The following ZNF605 variants were observed in gnomAD, a reference collection of about 807,000 sequenced individuals.
ZNF605 encodes the protein zinc finger protein 605.
ZNF605 carries 9 observed loss-of-function variants against 7.9 expected under a neutral mutation model. The observed-to-expected ratio is 1.14, with a 90% CI of 0.68 to 1.98. ZNF605 has a LOEUF of 1.98. Ranked by LOEUF, ZNF605 falls within the 30% of genes most tolerant of loss-of-function variation. ZNF605 has a pLI of 0.00. For missense variants in ZNF605, 673 were observed against 762.4 expected (o/e 0.88, Z 1.38); for synonymous variants, 255 against 260.1 (o/e 0.98, Z 0.19).
chr12:132,944,156 G>A (rs947681144), intron 3 of ZNF605, among the ~76,000 whole-genome samples: 4 of 151,938 alleles, frequency 2.6e-5, no homozygotes, highest in South Asian at 2.1e-4. Context: ...TAGGGTGGGC[G>A]CCTTCCTCCT....
At position 132,941,486 on chromosome 12, in the gene ZNF605, G is replaced by A. The variant is rs376436061; in HGVS notation, c.15+4135C>T. ...CCCGACATGACCAGATCTGCTTCCC[G>A]TTCAGGTTTCCTGAGCGCAGTGCTT... On this transcript the variant is annotated intron_variant, in intron 3 of 4. Transcript: ENST00000360187. This position sits in a 1 kb window ranked among gnomAD's most constrained non-coding sequence, Gnocchi z 5.1. Among the ~76,000 whole-genome samples, 83 of 152,290 alleles carry A rather than the reference G, an allele frequency of 5.5e-4. No individual in the cohort carries two copies. Among genetic ancestry groups the A allele is most frequent in the African/African-American group, 1.8e-3 (75 of 41,566 alleles).
intron 1 of ZNF605, among the ~76,000 whole-genome samples, chr12:132,951,616 C>T (rs924031503): frequency 1.9e-4 from 27 of 142,572 alleles, no homozygotes; most frequent in Non-Finnish European, 3.8e-4. Flanking sequence ...TACACACGTT[C>T]GTATCACAGA....
intron 1 of ZNF605, among the ~76,000 whole-genome samples, chr12:132,951,250 TAC>T (rs1196695362): frequency 2.9e-4 from 43 of 146,656 alleles, no homozygotes; most frequent in South Asian, 1.8e-3. Context: ...GACACGTACA[TAC>T]AGACGCACAT....
At position 132,922,646 on chromosome 12, in the gene ZNF605, C is replaced by T. The variant is rs925067794; in HGVS notation, c.*2727G>A. 1 of 152,158 alleles carries T rather than the reference C, an allele frequency of 6.6e-6. No homozygotes were observed. Among genetic ancestry groups the T allele is most frequent in the Non-Finnish European group, 1.5e-5 (1 of 68,040 alleles). 9.4% of individuals were successfully genotyped at this position (152,158 alleles called of 1,614,324 possible). ...TTAACTCAAGAACAATTAATAAAGG[C>T]ACTATTTACAAATATGTGTTCACAA... is the stretch of plus-strand genomic sequence containing the variant. On this transcript the variant is annotated 3_prime_UTR_variant, in exon 5 of 5. Transcript: ENST00000360187.
At chr12:132,939,044 A>C (rs369744827) in intron 3 of ZNF605, among the ~76,000 whole-genome samples, 1 of 151,218 alleles carries the variant, frequency 6.6e-6, no homozygotes, top group South Asian at 2.1e-4. Context: ...CACCCACTCC[A>C]TGGGCTCCCA....
chr12:132,939,389 A>G (rs1231917034), intron 3 of ZNF605, among the ~76,000 whole-genome samples: 41 of 152,232 alleles, frequency 2.7e-4, no homozygotes, highest in Non-Finnish European at 1.0e-4. Flanking sequence ...TTGTAAATAC[A>G]CCAATCGGCA....
At position 132,932,130 on chromosome 12, in the gene ZNF605, A is replaced by AT. The variant is rs111467017; in HGVS notation, c.136+904dup. 3.6e-3 allele frequency among the ~76,000 whole-genome samples: 540 copies of AT among 152,102 alleles called. 4 individuals are homozygous for AT. The highest frequency in any genetic ancestry group is 0.013 in the African/African-American group (519 of 41,488). ...TGTTAGGTATTATTAGTAGTAGTAG[A>AT]TATGGGGTCTTGCTTTGTTGCCCAG... is the stretch of plus-strand genomic sequence containing the variant. On this transcript the variant is annotated intron_variant, in intron 4 of 4. Transcript: ENST00000360187.
At position 132,919,149 on chromosome 12, in the gene ZNF605, T is replaced by C. The variant is rs1952181613; in HGVS notation, c.*6224A>G. On this transcript the variant is annotated 3_prime_UTR_variant, in exon 5 of 5. Coordinates refer to ENST00000360187, the MANE Select transcript of ZNF605 (RefSeq NM_183238.4). The stretch of plus-strand genomic sequence containing the variant: ...CGCACTAATGAAAATAAAAAGTTAA[T>C]TCACTTCTCCCACCCCCTATTGTAA... 2.0e-5 allele frequency: 3 copies of C among 152,224 alleles called. No individual in the cohort carries two copies. The South Asian group carries it at 6.2e-4, about 31-fold the overall frequency. The allele number at this position is 152,224 out of a possible 1,614,324, so 9.4% of individuals were successfully genotyped here. A position where few individuals can be genotyped will look rare whatever the true frequency, so the allele number is the denominator to read the frequency against.
intron 1 of ZNF605, among the ~76,000 whole-genome samples, chr12:132,952,811 A>G (rs1466706469): frequency 6.6e-6 from 1 of 152,110 alleles, no homozygotes; most frequent in Non-Finnish European, 1.5e-5. Flanking sequence ...CACAAGCTAC[A>G]AGGAGAGGGC....
At position 132,925,802 on chromosome 12, in the gene ZNF605, A is replaced by G. The variant is rs1952241191; in HGVS notation, c.1497T>C (p.His499=). Residue 499 remains histidine, a synonymous_variant, in exon 5 of 5, where the codon CAT becomes CAC. Transcript: ENST00000360187. ...KSSLIHHQRT[H]TGEKPFECSE... ...TACATTCAAAGGGCTTTTCTCCAGT[A>G]TGGGTTCTCTGATGATGAATGAGAC... 4 of 1,614,076 alleles carry G rather than the reference A, an allele frequency of 2.5e-6. No homozygotes were observed. The highest frequency in any genetic ancestry group is 2.5e-6 in the Non-Finnish European group (3 of 1,179,984).
At chr12:132,946,972 C>T (rs889869637) in intron 2 of ZNF605, among the ~76,000 whole-genome samples, 45 of 151,876 alleles carry the variant, frequency 3.0e-4, no homozygotes, top group African/African-American at 1.1e-3. Flanking sequence ...CCCTAATTTT[C>T]CCTCATGCAA....
At position 132,919,379 on chromosome 12, in the gene ZNF605, CTTTTTTTTTTTTT is replaced by C. The variant is rs1175837282; in HGVS notation, c.*5981_*5993del. The C allele has an allele frequency of 2.1e-5, 2 of 94,022 alleles. No individual in the cohort carries two copies. The highest frequency in any genetic ancestry group is 1.2e-4 in the Admixed American group (1 of 8,174). The allele number at this position is 94,022 out of a possible 1,614,324, so 5.8% of individuals were successfully genotyped here. A position where few individuals can be genotyped will look rare whatever the true frequency, so the allele number is the denominator to read the frequency against. ...AGCCACCACATCTGGCCAGTAATGCCTTTTTTTTTTTTTTTTTTTTTTTTGAGATGGAGTCTCG... is the reference window on the plus strand; with the variant it reads ...AGCCACCACATCTGGCCAGTAATGCCTTTTTTTTTTTGAGATGGAGTCTCG... On this transcript the variant is annotated 3_prime_UTR_variant, in exon 5 of 5. Coordinates refer to ENST00000360187, the MANE Select transcript of ZNF605 (RefSeq NM_183238.4).
In ZNF605 at chr12:132,919,862, GA is replaced by G. The variant is rs1952187893; in HGVS notation, c.*5510del. The G allele has an allele frequency of 6.6e-6, 1 of 151,476 alleles. No homozygotes were observed. Among genetic ancestry groups the G allele is most frequent in the South Asian group, 2.1e-4 (1 of 4,820 alleles). 9.4% of individuals were successfully genotyped at this position (151,476 alleles called of 1,614,324 possible). A position where few individuals can be genotyped will look rare whatever the true frequency, so the allele number is the denominator to read the frequency against. The stretch of plus-strand genomic sequence containing the variant: ...TCCCTGTTTTTTTGTGTGTGTGTGT[GA>G]TGGAGTCTTGCTCTGTCACCCAGGC... On this transcript the variant is annotated 3_prime_UTR_variant, in exon 5 of 5. Coordinates refer to ENST00000360187, the MANE Select transcript of ZNF605 (RefSeq NM_183238.4).
At chr12:132,931,265 T>C (rs1952306157) in intron 4 of ZNF605, among the ~76,000 whole-genome samples, 2 of 152,326 alleles carry the variant, frequency 1.3e-5, no homozygotes, top group East Asian at 1.9e-4. Flanking sequence ...AAACAAGACC[T>C]TTCCTTATCT....
At chr12:132,943,374 A>C (rs1197950523) in intron 3 of ZNF605, among the ~76,000 whole-genome samples, 9 of 151,084 alleles carry the variant, frequency 6.0e-5, no homozygotes, top group Non-Finnish European at 1.2e-4. Context: ...AAAAAAAAAC[A>C]AAAAAAACCT....
intron 1 of ZNF605, among the ~76,000 whole-genome samples, chr12:132,951,848 C>T (rs943201795): frequency 1.3e-5 from 2 of 151,716 alleles, no homozygotes; most frequent in Non-Finnish European, 2.9e-5. Context: ...TACACGCATA[C>T]ATCACACACT....
At chr12:132,932,758 C>T in intron 4 of ZNF605, 2 of 1,536,592 alleles carry the variant, frequency 1.3e-6, no homozygotes, top group Non-Finnish European at 1.7e-6. Flanking sequence ...ATCCATGGAT[C>T]TTGTTGTTCC....
At position 132,920,268 on chromosome 12, in the gene ZNF605, T is replaced by C. The variant is rs1047853707; in HGVS notation, c.*5105A>G. On this transcript the variant is annotated 3_prime_UTR_variant, in exon 5 of 5. Coordinates refer to ENST00000360187, the MANE Select transcript of ZNF605 (RefSeq NM_183238.4). ...CATTCTCCTGCCTCAGCCTCCTGAGTAGCTGGGACTACAGGCGCTGGCCAC... is the reference window on the plus strand; with the variant it reads ...CATTCTCCTGCCTCAGCCTCCTGAGCAGCTGGGACTACAGGCGCTGGCCAC... The C allele has an allele frequency of 2.6e-5, 4 of 152,292 alleles. No homozygotes were observed. The highest frequency in any genetic ancestry group is 4.8e-5 in the African/African-American group (2 of 41,430). The allele number at this position is 152,292 out of a possible 1,614,324, so 9.4% of individuals were successfully genotyped here.
chr12:132,925,968 G>T lies in ZNF605; in HGVS notation c.1331C>A (p.Thr444Asn). ...SQLLTHHRTH[T>N]GEKPYECSEC... ...ACTGCATTCATAAGGCTTCTCCCCA[G>T]TGTGTGTTCTGTGATGCGTTAGGAG... Residue 444 changes from threonine (T) to asparagine (N), a missense_variant, in exon 5 of 5, where the codon ACT (threonine) becomes AAT (asparagine). Transcript: ENST00000360187. The T allele has an allele frequency of 6.2e-7, 1 of 1,614,208 alleles. No homozygotes were observed. The highest frequency in any genetic ancestry group is 8.5e-7 in the Non-Finnish European group (1 of 1,180,034).
Sources: allele counts gnomAD v4.1 joint callset (sites outside exome capture counted in the v4.1 genomes callset), GRCh38; gene constraint gnomAD v4.1.1; non-coding constraint Gnocchi (gnomAD v3.1); transcripts MANE v1.5; gene names NCBI Gene and HGNC (gene_info 2026-07-23, HGNC 2026-07-21).